Variants in ALMS1 observed in about 807,000 individuals in gnomAD.
The protein encoded by ALMS1 is ALMS1 centrosome and basal body associated protein.
In ALMS1, 271 loss-of-function variants were observed where a neutral mutation model predicts 352.2. The observed-to-expected ratio is 0.77, with a 90% CI of 0.70 to 0.85. The LOEUF (loss-of-function observed/expected upper bound fraction) is 0.85, where lower values mean the gene tolerates loss of function less well. Among genes scored for constraint, ALMS1 ranks in the 40% least tolerant of loss-of-function variants. The probability of loss-of-function intolerance (pLI) is 0.00; values close to 1 mark genes in which losing one functional copy is unlikely to be tolerated. For synonymous variants in ALMS1, 1,865 were observed against 1,761.2 expected (o/e 1.06, Z -1.48); for missense variants, 5,445 against 4,870.7 (o/e 1.12, Z -3.51).
rs746896173 is a variant in ALMS1, at chr2:73,385,958, A to AGCG, written c.103_105dup (p.Ala35dup). The AGCG allele has an allele frequency of 1.2e-4, 164 of 1,399,048 alleles. No individual in the cohort carries two copies. The highest frequency in any genetic ancestry group is 4.8e-4 in the Admixed American group (24 of 50,226). The allele number at this position is 1,399,048 out of a possible 1,614,324, so 86.7% of individuals were successfully genotyped here. On this transcript the variant is annotated inframe_insertion, in exon 1 of 23. Coordinates refer to ENST00000613296, the MANE Select transcript of ALMS1 (RefSeq NM_001378454.1). ...AGGAGGAGGAAGAGGAGGAGGCTGC[A>AGCG]GCGGCGGCGGCGGCGAACGTGGACG...
chr2:73,599,905 A>T (rs1675636796), intron 17 of ALMS1, among the ~76,000 whole-genome samples: 1 of 152,242 alleles, frequency 6.6e-6, no homozygotes, highest in African/African-American at 2.4e-5. Flanking sequence ...TAACCACTAA[A>T]ACATTGTTTA....
chr2:73,573,607 C>G (rs1674992044), intron 16 of ALMS1, 183 bp downstream of exon 16: 1 of 712,414 alleles, frequency 1.4e-6, no homozygotes, highest in Non-Finnish European at 2.5e-6. Context: ...TTATTTTCAT[C>G]AACATTCATT....
chr2:73,443,839 A>C (rs1185154888), intron 7 of ALMS1, among the ~76,000 whole-genome samples: 1 of 152,192 alleles, frequency 6.6e-6, no homozygotes, highest in Non-Finnish European at 1.5e-5. Flanking sequence ...TGTAAGTATC[A>C]TATTTCATTG....
intron 9 of ALMS1, among the ~76,000 whole-genome samples, chr2:73,460,273 T>C (rs192172054): frequency 1.1e-4 from 16 of 152,334 alleles, no homozygotes; most frequent in African/African-American, 3.8e-4. Context: ...ATTTTTAAAT[T>C]TCCATTATGA....
chr2:73,494,970 T>C, intron 10 of ALMS1, among the ~76,000 whole-genome samples: 1 of 150,364 alleles, frequency 6.7e-6, no homozygotes. Flanking sequence ...TGTCATCTCT[T>C]TTACATTTGT....
upstream of ALMS1, chr2:73,385,829 C>G (rs756389923): frequency 1.8e-4 from 80 of 443,990 alleles, no homozygotes; most frequent in Middle Eastern, 6.3e-4. Flanking sequence ...TCCCTCCCCC[C>G]CTCCTCCTCC....
intron 12 of ALMS1, among the ~76,000 whole-genome samples, chr2:73,538,906 C>A (rs953167448): frequency 8.5e-5 from 13 of 152,150 alleles, no homozygotes; most frequent in Non-Finnish European, 1.6e-4. Context: ...CTGGGTGGAG[C>A]CCACCATACC....
At chr2:73,551,832 G>A (rs1381394931) in intron 13 of ALMS1, among the ~76,000 whole-genome samples, 2 of 152,060 alleles carry the variant, frequency 1.3e-5, no homozygotes, top group Non-Finnish European at 2.9e-5. Flanking sequence ...AACTCCAGTA[G>A]CCACTGAAAA....
chr2:73,410,931 A>AG (rs1412050847), intron 2 of ALMS1, among the ~76,000 whole-genome samples: 3 of 152,084 alleles, frequency 2.0e-5, no homozygotes, highest in Non-Finnish European at 4.4e-5. Flanking sequence ...ATATGGAGGA[A>AG]GGGAGATACA....
chr2:73,505,530 GTC>G (rs1464338088), intron 10 of ALMS1, among the ~76,000 whole-genome samples: 2 of 152,170 alleles, frequency 1.3e-5, no homozygotes, highest in Admixed American at 6.5e-5. Flanking sequence ...TTTGAAAAGT[GTC>G]TGTTTATATC....
chr2:73,609,792 C>T lies in ALMS1; in HGVS notation c.*180C>T. The T allele has an allele frequency of 1.5e-6, 1 of 645,920 alleles. No homozygotes were observed. The highest frequency in any genetic ancestry group is 1.8e-5 in the South Asian group (1 of 54,586). 40.0% of individuals were successfully genotyped at this position (645,920 alleles called of 1,614,324 possible). On this transcript the variant is annotated 3_prime_UTR_variant, in exon 23 of 23. Coordinates refer to ENST00000613296, the MANE Select transcript of ALMS1 (RefSeq NM_001378454.1). ...ATTAAAATTCCTAATGGTTTGGGAG[C>T]AATACTTTCTGCATAGTGGCCTTGT...
At chr2:73,597,142 C>T (rs934856691) in intron 16 of ALMS1, among the ~76,000 whole-genome samples, 1 of 151,938 alleles carries the variant, frequency 6.6e-6, no homozygotes, top group African/African-American at 2.4e-5. Flanking sequence ...CCTTGCACTT[C>T]TTTTGTTAAC....
chr2:73,395,865 A>T (rs1670749569), intron 1 of ALMS1, among the ~76,000 whole-genome samples: 1 of 151,970 alleles, frequency 6.6e-6, no homozygotes, highest in Non-Finnish European at 1.5e-5. Flanking sequence ...TTTATTCCTG[A>T]TCTTAGGGCA....
intron 9 of ALMS1, among the ~76,000 whole-genome samples, chr2:73,489,247 A>G: frequency 6.6e-6 from 1 of 152,214 alleles, no homozygotes. Context: ...TCAGTCTAGT[A>G]ATGTGGTTAC....
At chr2:73,420,780 G>C (rs762507689) in intron 3 of ALMS1, among the ~76,000 whole-genome samples, 2 of 152,158 alleles carry the variant, frequency 1.3e-5, no homozygotes, top group Non-Finnish European at 1.5e-5. Flanking sequence ...TATTGGAGTA[G>C]ATTCCTGGAT....
intron 15 of ALMS1, among the ~76,000 whole-genome samples, chr2:73,568,992 C>G (rs1424369014): frequency 1.5e-5 from 1 of 66,904 alleles, no homozygotes; most frequent in Non-Finnish European, 3.0e-5. Flanking sequence ...GCTGCTTCTG[C>G]TTCTTTTTTT....
intron 9 of ALMS1, among the ~76,000 whole-genome samples, chr2:73,479,923 G>A (rs1026068083): frequency 2.6e-5 from 4 of 152,110 alleles, no homozygotes; most frequent in Admixed American, 6.6e-5. Flanking sequence ...TAATAGGTAT[G>A]TAGTGGTATC....
In ALMS1 at chr2:73,452,605, G is replaced by C. The variant is rs1671970816; in HGVS notation, c.6078G>C (p.Lys2026Asn). The change falls in exon 8 of 23, where the codon AAG (lysine) becomes AAC (asparagine). Residue 2026 changes from lysine to asparagine, a missense_variant. Coordinates refer to ENST00000613296, the MANE Select transcript of ALMS1 (RefSeq NM_001378454.1). ...LSSYSQIEKPKISTVIGPNDQ... is the reference protein window; with the variant it reads ...LSSYSQIEKPNISTVIGPNDQ... ...CCTACTCACAAATAGAGAAGCCCAAGATTTCAACTGTGATTGGACCAAATG... is the reference window on the plus strand; with the variant it reads ...CCTACTCACAAATAGAGAAGCCCAACATTTCAACTGTGATTGGACCAAATG... 6.2e-7 allele frequency: 1 copy of C among 1,613,886 alleles called. No individual in the cohort carries two copies. The highest frequency in any genetic ancestry group is 1.3e-5 in the African/African-American group (1 of 74,894).
In ALMS1 at chr2:73,602,210, A is replaced by T; in HGVS notation, c.12140A>T (p.Asp4047Val). ...LQESLQFHRP[D>V]FISRSGERIK... ...GAATCGCTTCAGTTTCACAGACCTGACTTCATCTCCCGCTCTGGGGAGCGG... is the reference window on the plus strand; with the variant it reads ...GAATCGCTTCAGTTTCACAGACCTGTCTTCATCTCCCGCTCTGGGGAGCGG... Residue 4047 changes from aspartate to valine, a missense_variant, in exon 20 of 23, where the codon GAC (aspartate) becomes GTC (valine). Coordinates refer to ENST00000613296, the MANE Select transcript of ALMS1 (RefSeq NM_001378454.1). 6.2e-7 allele frequency: 1 copy of T among 1,613,726 alleles called. No homozygotes were observed. The highest frequency in any genetic ancestry group is 2.2e-5 in the East Asian group (1 of 44,854).
Sources: gnomAD v4.1 joint callset for allele counts (sites outside exome capture counted in the v4.1 genomes callset) on GRCh38, gnomAD v4.1.1 for gene constraint, MANE v1.5 for transcripts, NCBI Gene and HGNC (gene_info 2026-07-23, HGNC 2026-07-21) for gene names.